Variants in RNF180 observed in about 807,000 individuals in gnomAD.
RNF180 encodes ring finger protein 180.
In RNF180, 38 loss-of-function variants were observed where a neutral mutation model predicts 59.2. The observed-to-expected ratio is 0.64, with a 90% confidence interval of 0.50 to 0.84. The LOEUF is 0.84. Among genes scored for constraint, RNF180 ranks in the 40% least tolerant of loss-of-function variants. RNF180 has a pLI of 0.00. For missense variants in RNF180, 705 were observed against 700.9 expected (o/e 1.01, Z -0.07); for synonymous variants, 262 against 240.3 (o/e 1.09, Z -0.84).
At chr5:64,333,324 C>T (rs985432168) in intron 7 of RNF180, among the ~76,000 whole-genome samples, 4 of 152,188 alleles carry the variant, frequency 2.6e-5, no homozygotes, top group Admixed American at 1.3e-4. Context: ...ATTACAGGTG[C>T]GTGCTACCAT....
chr5:64,365,246 C>T (rs1363087934), intron 7 of RNF180, among the ~76,000 whole-genome samples: 1 of 151,428 alleles, frequency 6.6e-6, no homozygotes, highest in Non-Finnish European at 1.5e-5. Context: ...TTGATTTTTG[C>T]CTTAATTTCA....
At chr5:64,317,885 C>G (rs1438641525) in intron 5 of RNF180, among the ~76,000 whole-genome samples, 2 of 152,132 alleles carry the variant, frequency 1.3e-5, no homozygotes, top group African/African-American at 4.8e-5. Context: ...CTTAAATGTG[C>G]TCAGAACGTT....
intron 2 of RNF180, among the ~76,000 whole-genome samples, chr5:64,205,576 T>C (rs1188728886): frequency 6.6e-6 from 1 of 152,196 alleles, no homozygotes; most frequent in Non-Finnish European, 1.5e-5. Flanking sequence ...CTGTAGAATA[T>C]TCAAATATTT....
At position 64,214,365 on chromosome 5, in the gene RNF180, GA is replaced by G; in HGVS notation, c.1040del (p.Asp347AlafsTer34). ...SAGRSMPEASDQEEHLSPLDF... is the reference protein window; with the variant it reads ...SAGRSMPEASXQEEHLSPLDF... ...TGGCAGGAGCATGCCGGAGGCCTCAGACCAGGAAGAGCACCTCTCCCCTCTG... is the reference window on the plus strand; with the variant it reads ...TGGCAGGAGCATGCCGGAGGCCTCAGCCAGGAAGAGCACCTCTCCCCTCTG... On this transcript the variant is annotated frameshift_variant, in exon 4 of 8. Transcript: ENST00000389100. LOFTEE classifies it high-confidence loss of function. 1 of 1,614,062 alleles carries G rather than the reference GA, an allele frequency of 6.2e-7. No homozygotes were observed.
chr5:64,177,996 G>A (rs1750350744), intron 1 of RNF180, among the ~76,000 whole-genome samples: 1 of 152,066 alleles, frequency 6.6e-6, no homozygotes, highest in Non-Finnish European at 1.5e-5. Flanking sequence ...ATGAGGTCAG[G>A]AGATTGAGAC....
chr5:64,202,602 A>G (rs1751810129), intron 2 of RNF180, among the ~76,000 whole-genome samples: 1 of 152,186 alleles, frequency 6.6e-6, no homozygotes, highest in African/African-American at 2.4e-5. Context: ...GTAGCAACAT[A>G]TGAGAATTCC....
intron 7 of RNF180, among the ~76,000 whole-genome samples, chr5:64,343,157 C>T (rs1446815135): frequency 6.6e-6 from 1 of 151,940 alleles, no homozygotes; most frequent in Non-Finnish European, 1.5e-5. Context: ...AAAATAGAAA[C>T]ACATCTCCTC....
At chr5:64,243,637 G>C (rs568425312) in intron 5 of RNF180, among the ~76,000 whole-genome samples, 2 of 152,204 alleles carry the variant, frequency 1.3e-5, no homozygotes, top group Non-Finnish European at 2.9e-5. Flanking sequence ...CAGAGCAGCT[G>C]GGGGAAGGGG....
Position 64,370,868 on chromosome 5 carries a change from G to GCACA in RNF180, c.*1054_*1055insCACA, listed in dbSNP as rs1746636806. The stretch of plus-strand genomic sequence containing the variant: ...TGGTCTTTGTGAAACCTGGGACAAA[G>GCACA]TTTTTATTATGAATTACTAATCCAG... On this transcript the variant is annotated 3_prime_UTR_variant, in exon 8 of 8. Transcript: ENST00000389100. 1 of 151,530 alleles carries GCACA rather than the reference G, an allele frequency of 6.6e-6. No individual in the cohort carries two copies. Among genetic ancestry groups the GCACA allele is most frequent in the Non-Finnish European group, 1.5e-5 (1 of 67,710 alleles). The allele number at this position is 151,530 out of a possible 1,614,324, so 9.4% of individuals were successfully genotyped here.
intron 1 of RNF180, among the ~76,000 whole-genome samples, chr5:64,195,758 C>G (rs966893420): frequency 5.9e-5 from 9 of 152,148 alleles, no homozygotes; most frequent in African/African-American, 2.2e-4. Flanking sequence ...TCAATATTCA[C>G]CCAGTTATTC....
At chr5:64,215,907 C>G (rs1396586849) in intron 4 of RNF180, among the ~76,000 whole-genome samples, 2 of 152,058 alleles carry the variant, frequency 1.3e-5, no homozygotes, top group Non-Finnish European at 2.9e-5. Context: ...GTTTTGAAAA[C>G]CTCAGCTACA....
intron 7 of RNF180, among the ~76,000 whole-genome samples, chr5:64,355,542 A>G (rs1194691108): frequency 6.6e-6 from 1 of 151,984 alleles, no homozygotes; most frequent in East Asian, 1.9e-4. Flanking sequence ...CAGCGCTTTT[A>G]TAGAAATGAA....
chr5:64,259,030 ATTGTTTGT>A (rs376996996), intron 5 of RNF180, among the ~76,000 whole-genome samples: 4 of 152,026 alleles, frequency 2.6e-5, no homozygotes, highest in East Asian at 3.9e-4. Context: ...ATGTGAGTAT[ATTGTTTGT>A]TTGTTTGTTT....
At chr5:64,319,125 A>G (rs1194219636) in intron 5 of RNF180, among the ~76,000 whole-genome samples, 1 of 151,712 alleles carries the variant, frequency 6.6e-6, no homozygotes, top group South Asian at 2.1e-4. Context: ...GTATATGGAA[A>G]TTCTCTGTAC....
At chr5:64,238,903 T>A (rs1255826075) in intron 5 of RNF180, among the ~76,000 whole-genome samples, 1 of 152,180 alleles carries the variant, frequency 6.6e-6, no homozygotes, top group Non-Finnish European at 1.5e-5. Flanking sequence ...CATGAAATCA[T>A]TCCTAAGGAG....
intron 5 of RNF180, among the ~76,000 whole-genome samples, chr5:64,302,793 G>A (rs1743224819): frequency 6.6e-6 from 1 of 151,614 alleles, no homozygotes; most frequent in Non-Finnish European, 1.5e-5. Flanking sequence ...CCAAGGATTT[G>A]TAGGGGCTAC....
At chr5:64,211,866 C>T (rs146713488) in intron 2 of RNF180, among the ~76,000 whole-genome samples, 199 bp from the exon 3 acceptor site, 5 of 152,130 alleles carry the variant, frequency 3.3e-5, no homozygotes, top group African/African-American at 1.2e-4. Context: ...AATCACAGGT[C>T]GTTATTCCCT....
intron 3 of RNF180, 33 bp downstream of exon 3, chr5:64,212,193 T>C: frequency 8.2e-7 from 1 of 1,219,888 alleles, no homozygotes. Flanking sequence ...AAATTAAGAA[T>C]ATACAACCTT....
chr5:64,301,686 G>A (rs557763680), intron 5 of RNF180, among the ~76,000 whole-genome samples: 40 of 143,822 alleles, frequency 2.8e-4, no homozygotes, highest in African/African-American at 1.1e-3. Flanking sequence ...TATATTTGTT[G>A]TATGCCACAT....
Sources: allele counts gnomAD v4.1 joint callset (sites outside exome capture counted in the v4.1 genomes callset), GRCh38; gene constraint gnomAD v4.1.1; transcripts MANE v1.5; gene names NCBI Gene and HGNC (gene_info 2026-07-23, HGNC 2026-07-21).